Variants in EMILIN2 observed in about 807,000 individuals in gnomAD.
EMILIN2 encodes elastin microfibril interfacer 2.
EMILIN2 carries 71 observed loss-of-function variants against 87.1 expected under a neutral mutation model. The ratio of observed to expected loss-of-function variants is 0.82; its 90% CI spans 0.67 to 0.99. The LOEUF (loss-of-function observed/expected upper bound fraction) is 0.99, where lower values mean the gene tolerates loss of function less well. Among genes scored for constraint, EMILIN2 ranks in the 50% least tolerant of loss-of-function variants. EMILIN2 has a pLI of 0.00. For missense variants in EMILIN2, 1,407 were observed against 1,371.8 expected (o/e 1.03, Z -0.40); for synonymous variants, 581 against 563.4 (o/e 1.03, Z -0.44).
Position 2,887,097 on chromosome 18 carries a change from A to G in EMILIN2, c.433+1958A>G, listed in dbSNP as rs764165846. Among the ~76,000 whole-genome samples, 9 of 151,646 alleles carry G rather than the reference A, an allele frequency of 5.9e-5. 1 individual carries two copies. The highest frequency in any genetic ancestry group is 1.3e-4 in the Non-Finnish European group (9 of 67,652). On this transcript the variant is annotated intron_variant, in intron 3 of 7. Coordinates refer to ENST00000254528, the MANE Select transcript of EMILIN2 (RefSeq NM_032048.3). Reference sequence around the variant, plus strand: ...AGCAAACTTTTTACCACTTTATAGTATGAACACTATTTTTTATTCTAGCTT... The same window carrying G: ...AGCAAACTTTTTACCACTTTATAGTGTGAACACTATTTTTTATTCTAGCTT...
rs556738055 is a variant in EMILIN2, at chr18:2,862,117, C to T, written c.257+14186C>T. ...AGACTTTGCTGAAGTTGCCTATCAG[C>T]TTAAGGAGATTTTGGGCTGAGACAG... On this transcript the variant is annotated intron_variant, in intron 2 of 7. Coordinates refer to ENST00000254528, the MANE Select transcript of EMILIN2 (RefSeq NM_032048.3). Among the ~76,000 whole-genome samples the T allele has an allele frequency of 7.0e-3, 1,061 of 152,306 alleles. 4 individuals are homozygous for T. The highest frequency in any genetic ancestry group is 0.012 in the Admixed American group (187 of 15,306).
chr18:2,874,542 C>T (rs1430005605), intron 2 of EMILIN2, among the ~76,000 whole-genome samples: 2 of 152,150 alleles, frequency 1.3e-5, no homozygotes, highest in East Asian at 3.8e-4. Flanking sequence ...GTGGGTTGGG[C>T]TCTGGCACTT....
intron 2 of EMILIN2, among the ~76,000 whole-genome samples, chr18:2,858,424 T>C (rs2076638577): frequency 6.7e-6 from 1 of 149,518 alleles, no homozygotes; most frequent in Non-Finnish European, 1.5e-5. Context: ...GGTTTTCCAC[T>C]CCTGAGTTAC....
intron 2 of EMILIN2, among the ~76,000 whole-genome samples, chr18:2,854,430 A>G (rs999064511): frequency 3.1e-4 from 47 of 151,702 alleles, no homozygotes; most frequent in Admixed American, 3.1e-3. Context: ...ATGGTTGTTC[A>G]GTTGGCAGAA....
At chr18:2,886,084 C>G (rs2076802083) in intron 3 of EMILIN2, among the ~76,000 whole-genome samples, 1 of 152,162 alleles carries the variant, frequency 6.6e-6, no homozygotes, top group African/African-American at 2.4e-5. Flanking sequence ...TGTTATAGAA[C>G]CTTACTCTCT....
Position 2,891,028 on chromosome 18 carries a change from G to A in EMILIN2, c.901G>A (p.Ala301Thr). 1 of 1,614,232 alleles carries A rather than the reference G, an allele frequency of 6.2e-7. No individual in the cohort carries two copies. The highest frequency in any genetic ancestry group is 8.5e-7 in the Non-Finnish European group (1 of 1,180,048). Reference sequence around the variant, plus strand: ...GCAGCTCAGACAGCTCCAGGAAGCAGCTCAGGGCCCGACGGTGACCATGAC... The same window carrying A: ...GCAGCTCAGACAGCTCCAGGAAGCAACTCAGGGCCCGACGGTGACCATGAC... ...EGQLRQLQEA[A>T]QGPTVTMTTN... Residue 301 changes from alanine (A) to threonine (T), a missense_variant, in exon 4 of 8, where the codon GCT (alanine) becomes ACT (threonine). Transcript: ENST00000254528. The surrounding 1 kb of genome is among the most constrained non-coding windows in gnomAD (Gnocchi z 4.6).
Position 2,892,239 on chromosome 18 carries a change from C to A in EMILIN2, c.2112C>A (p.Gly704=). The A allele has an allele frequency of 6.2e-7, 1 of 1,612,384 alleles. No homozygotes were observed. The highest frequency in any genetic ancestry group is 1.1e-5 in the South Asian group (1 of 91,012). The change falls in exon 4 of 8, where the codon GGC becomes GGA. Residue 704 remains glycine, a synonymous_variant. Transcript: ENST00000254528. ...AGAGGGAGGTCTCCATGGTGGAGGGCAGGGTGTCTCATATGGAGAAAACTT... is the reference window on the plus strand; with the variant it reads ...AGAGGGAGGTCTCCATGGTGGAGGGAAGGGTGTCTCATATGGAGAAAACTT... ...GVQREVSMVE[G]RVSHMEKTCS...
intron 2 of EMILIN2, among the ~76,000 whole-genome samples, chr18:2,859,007 G>A (rs952435900): frequency 6.6e-6 from 1 of 152,214 alleles, no homozygotes; most frequent in South Asian, 2.1e-4. Flanking sequence ...TTGCAATCGC[G>A]AATTGTGCTG....
chr18:2,903,279 TGAG>T (rs1324368028), intron 4 of EMILIN2, among the ~76,000 whole-genome samples: 1 of 151,664 alleles, frequency 6.6e-6, no homozygotes, highest in Non-Finnish European at 1.5e-5. Context: ...AAAAGAAAGA[TGAG>T]GAGTCAACTC....
chr18:2,853,342 C>T (rs959325934), intron 2 of EMILIN2, among the ~76,000 whole-genome samples: 3 of 152,136 alleles, frequency 2.0e-5, no homozygotes, highest in African/African-American at 2.4e-5. Flanking sequence ...AGCGATCGCC[C>T]GTCAGTGTGG....
chr18:2,899,202 A>G (rs914749072), intron 4 of EMILIN2, among the ~76,000 whole-genome samples: 5 of 152,156 alleles, frequency 3.3e-5, no homozygotes, highest in Non-Finnish European at 7.3e-5. Context: ...CGCTAGCTCT[A>G]GTCCTGGAAA....
At chr18:2,911,095 G>A (rs1188306350) in intron 7 of EMILIN2, among the ~76,000 whole-genome samples, 1 of 151,004 alleles carries the variant, frequency 6.6e-6, no homozygotes, top group Non-Finnish European at 1.5e-5. Context: ...GGCAGAGTGA[G>A]ACTGAGGCAA....
intron 2 of EMILIN2, among the ~76,000 whole-genome samples, chr18:2,860,552 AC>A (rs2076655725): frequency 6.6e-6 from 1 of 152,128 alleles, no homozygotes. Context: ...CCATGTCCCT[AC>A]AAAGGACATG....
At chr18:2,901,932 T>C (rs1162505449) in intron 4 of EMILIN2, among the ~76,000 whole-genome samples, 8 of 152,146 alleles carry the variant, frequency 5.3e-5, no homozygotes, top group Non-Finnish European at 1.0e-4. Context: ...GCGGGCTGCT[T>C]TGGAGCCTTC....
Position 2,890,537 on chromosome 18 carries a change from T to G in EMILIN2, c.434-24T>G, listed in dbSNP as rs372175085. The G allele has an allele frequency of 1.6e-5, 25 of 1,527,202 alleles. 1 individual carries two copies. The East Asian group carries it at 4.5e-4, about 28-fold the overall frequency. The allele number at this position is 1,527,202 out of a possible 1,614,324, so 94.6% of individuals were successfully genotyped here. A position where few individuals can be genotyped will look rare whatever the true frequency, so the allele number is the denominator to read the frequency against. ...GCTAAAGGTAGAAAATGTTCATTCATGTCCAACTTTATCTTTGTAACAGAT... is the reference window on the plus strand; with the variant it reads ...GCTAAAGGTAGAAAATGTTCATTCAGGTCCAACTTTATCTTTGTAACAGAT... On this transcript the variant is annotated intron_variant, in intron 3 of 7. Transcript: ENST00000254528. The surrounding 1 kb of genome is among the most constrained non-coding windows in gnomAD (Gnocchi z 4.7).
At position 2,849,854 on chromosome 18, in the gene EMILIN2, G is replaced by C. The variant is rs1224931003; in HGVS notation, c.257+1923G>C. Among the ~76,000 whole-genome samples the C allele has an allele frequency of 2.6e-5, 4 of 152,198 alleles. No individual in the cohort carries two copies. In the East Asian group the frequency reaches 7.7e-4, roughly 29 times the overall value. ...TCTTGACTTTTTTCAGTTTCTTTAG[G>C]GATGGAACAGAATGGTTTATCTTAT... On this transcript the variant is annotated intron_variant, in intron 2 of 7. Coordinates refer to ENST00000254528, the MANE Select transcript of EMILIN2 (RefSeq NM_032048.3).
intron 2 of EMILIN2, among the ~76,000 whole-genome samples, chr18:2,878,420 G>A (rs1370004847): frequency 6.6e-6 from 1 of 152,050 alleles, no homozygotes; most frequent in Non-Finnish European, 1.5e-5. Flanking sequence ...AACCCTGGAG[G>A]TGGAGGTTGC....
At position 2,891,093 on chromosome 18, in the gene EMILIN2, C is replaced by T. The variant is rs372987432; in HGVS notation, c.966C>T (p.Ile322=). 7.4e-6 allele frequency: 12 copies of T among 1,613,980 alleles called. No individual in the cohort carries two copies. The highest frequency in any genetic ancestry group is 3.3e-4 in the Middle Eastern group (2 of 6,084). Residue 322 remains isoleucine, a synonymous_variant, in exon 4 of 8, where the codon ATC becomes ATT. Transcript: ENST00000254528. The surrounding 1 kb of genome is among the most constrained non-coding windows in gnomAD (Gnocchi z 4.6). The part of the protein sequence containing the change: ...ELYQAYVDSK[I]DALREELMEG... Reference sequence around the variant, plus strand: ...ACCAAGCCTATGTGGACAGTAAGATCGACGCCCTGAGAGAGGAGCTCATGG... The same window carrying T: ...ACCAAGCCTATGTGGACAGTAAGATTGACGCCCTGAGAGAGGAGCTCATGG...
At chr18:2,863,750 G>A (rs2076672713) in intron 2 of EMILIN2, among the ~76,000 whole-genome samples, 1 of 152,198 alleles carries the variant, frequency 6.6e-6, no homozygotes, top group African/African-American at 2.4e-5. Context: ...TTGGTGCAGA[G>A]CTGAGTTCAA....
Sources: gnomAD v4.1 joint callset for allele counts (sites outside exome capture counted in the v4.1 genomes callset) on GRCh38, gnomAD v4.1.1 for gene constraint, Gnocchi (gnomAD v3.1) non-coding constraint, MANE v1.5 for transcripts, NCBI Gene and HGNC (gene_info 2026-07-23, HGNC 2026-07-21) for gene names.